The following MAX variants were observed in gnomAD, a reference collection of about 807,000 sequenced individuals.
The protein encoded by MAX is MYC associated transcriptional regulator X.
A neutral mutation model predicts 22.3 loss-of-function variants in MAX; 3 were observed. The ratio of observed to expected loss-of-function variants is 0.13; its 90% CI spans 0.06 to 0.35. MAX has a LOEUF of 0.35. MAX is among the 10% of genes least tolerant of loss of function. MAX has a pLI of 1.00. For synonymous variants in MAX, 72 were observed against 77.7 expected, an observed-to-expected ratio of 0.93 and a Z score of 0.39; for missense variants, 119 against 209.4, an observed-to-expected ratio of 0.57 and a Z score of 2.66.
In MAX at chr14:65,012,078, T is replaced by G. The variant is rs962506778; in HGVS notation, c.172-5794A>C. 2.1e-6 allele frequency: 1 copy of G among 471,302 alleles called. No homozygotes were observed. The highest frequency in any genetic ancestry group is 2.0e-5 in the African/African-American group (1 of 50,762). 29.2% of individuals were successfully genotyped at this position (471,302 alleles called of 1,614,324 possible). On this transcript the variant is annotated intron_variant, in intron 3 of 3. Coordinates refer to the MAX transcript ENST00000341653. The surrounding 1 kb of genome is among the most constrained non-coding windows in gnomAD (Gnocchi z 5.0). ...CAAAGTCACTGCCTTTAGGAGACAA[T>G]CGCACTCTAAATGTCAGCTGGCATG... is the stretch of plus-strand genomic sequence containing the variant.
At chr14:65,008,808 C>T (rs939430499) in intron 3 of MAX, among the ~76,000 whole-genome samples, 2 of 152,156 alleles carry the variant, frequency 1.3e-5, no homozygotes, top group African/African-American at 2.4e-5. Flanking sequence ...TGGGCTCACC[C>T]CTCATAAGAA....
chr14:65,077,504 T>A lies in MAX; in HGVS notation c.295+409A>T. On this transcript the variant is annotated intron_variant, in intron 4 of 4. Coordinates refer to ENST00000358664, the MANE Select transcript of MAX (RefSeq NM_002382.5). This position sits in a 1 kb window ranked among gnomAD's most constrained non-coding sequence, Gnocchi z 6.3. ...AGCCCATAGGCTGCCCTGATTGGAC[T>A]ACCATTGACAATGGGGAGGGCTCAC... The A allele has an allele frequency of 1.9e-6, 2 of 1,046,730 alleles. No homozygotes were observed. The highest frequency in any genetic ancestry group is 2.5e-5 in the South Asian group (2 of 79,802). The allele number at this position is 1,046,730 out of a possible 1,614,324, so 64.8% of individuals were successfully genotyped here.
intron 3 of MAX, among the ~76,000 whole-genome samples, chr14:65,034,818 C>T (rs967110531): frequency 2.6e-5 from 4 of 152,188 alleles, no homozygotes; most frequent in African/African-American, 9.7e-5. Flanking sequence ...CTCCATGAGT[C>T]TTCCTGTGCT....
intron 2 of MAX, among the ~76,000 whole-genome samples, chr14:65,097,370 G>T (rs1364646920): frequency 6.6e-6 from 1 of 152,196 alleles, no homozygotes; most frequent in Admixed American, 6.5e-5. Context: ...CTTTGTTCAA[G>T]GCATCACATC....
chr14:65,094,750 C>A (rs1364992441), intron 2 of MAX, among the ~76,000 whole-genome samples: 1 of 152,244 alleles, frequency 6.6e-6, no homozygotes, highest in African/African-American at 2.4e-5. Context: ...ATGATAAGAG[C>A]ACTTCAGCAG....
rs566360589 is a variant in MAX, at chr14:65,083,365, G to A, written c.172-5329C>T. ...AGTTGTTAGCACTGATGCTTCAGAC[G>A]AAGTCCAAGGTTATTAAATCTCATT... On this transcript the variant is annotated intron_variant, in intron 3 of 4. Transcript: ENST00000358664. 1.8e-4 allele frequency among the ~76,000 whole-genome samples: 28 copies of A among 152,314 alleles called. 1 individual carries two copies. In the East Asian group the frequency reaches 4.2e-3, roughly 23 times the overall value.
chr14:65,091,222 C>T (rs774048703), intron 3 of MAX, among the ~76,000 whole-genome samples: 4 of 152,080 alleles, frequency 2.6e-5, no homozygotes, highest in Non-Finnish European at 5.9e-5. Flanking sequence ...CTTAAAAAAA[C>T]GCCAGGTTTA....
intron 3 of MAX, among the ~76,000 whole-genome samples, chr14:65,016,943 GAC>G (rs1231046683): frequency 6.5e-5 from 6 of 92,326 alleles, no homozygotes; most frequent in Non-Finnish European, 1.3e-4. Flanking sequence ...TTTTTTTTGA[GAC>G]AGAGTTTCAC....
chr14:65,074,581 C>T (rs569558762), downstream of MAX, among the ~76,000 whole-genome samples: 2 of 152,360 alleles, frequency 1.3e-5, no homozygotes, highest in African/African-American at 4.8e-5. Context: ...CACTGAGCTG[C>T]GTTCTGGCCA....
chr14:65,033,442 T>C (rs2062124719), intron 3 of MAX, among the ~76,000 whole-genome samples: 1 of 152,246 alleles, frequency 6.6e-6, no homozygotes, highest in Non-Finnish European at 1.5e-5. Flanking sequence ...ACTTCAGCTG[T>C]AATAGTTAAC....
rs978677915 is a variant in MAX at position 65,011,226 on chromosome 14, AAG to A, written c.172-4944_172-4943del. On this transcript the variant is annotated intron_variant, in intron 3 of 3. Transcript: ENST00000341653. This position sits in a 1 kb window ranked among gnomAD's most constrained non-coding sequence, Gnocchi z 4.0. ...GGGGATTACCTGAGGTCAGGAGTTC[AAG>A]ACCAGCCTGGGCAACATGGTGAAAC... 6.6e-6 allele frequency among the ~76,000 whole-genome samples: 1 copy of A among 152,108 alleles called. No homozygotes were observed. Among genetic ancestry groups the A allele is most frequent in the African/African-American group, 2.4e-5 (1 of 41,426 alleles).
rs1260260389 is a variant in MAX at position 65,047,245 on chromosome 14, G to C, written c.172-40961C>G. Among the ~76,000 whole-genome samples the C allele has an allele frequency of 6.6e-6, 1 of 152,172 alleles. No individual in the cohort carries two copies. Among genetic ancestry groups the C allele is most frequent in the Non-Finnish European group, 1.5e-5 (1 of 68,042 alleles). On this transcript the variant is annotated intron_variant, in intron 3 of 3. Transcript: ENST00000341653. This position sits in a 1 kb window ranked among gnomAD's most constrained non-coding sequence, Gnocchi z 5.2. The stretch of plus-strand genomic sequence containing the variant: ...CATTTAATTCTCAAAACAACCCTAT[G>C]AAATAGGTACCATTGTTTACAGATG...
In MAX at chr14:65,044,205, C is replaced by G. The variant is rs1222234381; in HGVS notation, c.172-37921G>C. 6.3e-7 allele frequency: 1 copy of G among 1,577,214 alleles called. No homozygotes were observed. The highest frequency in any genetic ancestry group is 8.6e-7 in the Non-Finnish European group (1 of 1,162,036). ...CCAAAACTAGAGTGCCAAGAAGCCA[C>G]AAGATGGGAAACCCTCCATCCCACA... On this transcript the variant is annotated intron_variant, in intron 3 of 3. Coordinates refer to the MAX transcript ENST00000341653. The surrounding 1 kb of genome is among the most constrained non-coding windows in gnomAD (Gnocchi z 5.5).
In MAX at chr14:65,043,964, T is replaced by G. The variant is rs534138687; in HGVS notation, c.172-37680A>C. ...GTAGTCTTGCCTTCAATTTCCAACT[T>G]AAGCCATGTTTATTAAGAGACTTTG... On this transcript the variant is annotated intron_variant, in intron 3 of 3. Transcript: ENST00000341653. Among the ~76,000 whole-genome samples the G allele has an allele frequency of 3.3e-5, 5 of 152,034 alleles. No individual in the cohort carries two copies. In the East Asian group the frequency reaches 9.7e-4, roughly 29 times the overall value.
At position 65,047,384 on chromosome 14, in the gene MAX, T is replaced by C. The variant is rs1232308077; in HGVS notation, c.172-41100A>G. Among the ~76,000 whole-genome samples, 1 of 152,256 alleles carries C rather than the reference T, an allele frequency of 6.6e-6. No homozygotes were observed. The highest frequency in any genetic ancestry group is 2.4e-5 in the African/African-American group (1 of 41,476). ...ACTAGCTGGCATCTGAACCCTGCCC[T>C]GCTCATAACCACAGTAGGTGGCCAT... is the stretch of plus-strand genomic sequence containing the variant. On this transcript the variant is annotated intron_variant, in intron 3 of 3. Coordinates refer to the MAX transcript ENST00000341653. The surrounding 1 kb of genome is among the most constrained non-coding windows in gnomAD (Gnocchi z 5.2).
rs1371889047 is a variant in MAX at position 65,007,481 on chromosome 14, A to G, written c.172-1197T>C. ...ATGATGCTGAAGTAGGCATTTGCCT[A>G]TTCAGTGTTCCAGGGCCAAAGCTGA... On this transcript the variant is annotated intron_variant, in intron 3 of 3. Coordinates refer to the MAX transcript ENST00000341653. This position sits in a 1 kb window ranked among gnomAD's most constrained non-coding sequence, Gnocchi z 4.9. 6.6e-6 allele frequency among the ~76,000 whole-genome samples: 1 copy of G among 152,222 alleles called. No individual in the cohort carries two copies. Among genetic ancestry groups the G allele is most frequent in the Admixed American group, 6.5e-5 (1 of 15,282 alleles).
intron 3 of MAX, among the ~76,000 whole-genome samples, chr14:65,026,568 T>G (rs575095639): frequency 6.6e-6 from 1 of 152,290 alleles, no homozygotes; most frequent in East Asian, 1.9e-4. Context: ...CCATTAAAAA[T>G]GTGTTTTTCA....
intron 3 of MAX, among the ~76,000 whole-genome samples, chr14:65,006,991 T>C (rs1454467835): frequency 6.6e-6 from 1 of 152,178 alleles, no homozygotes. Context: ...GGAAATAGAA[T>C]ATATCAGGGC....
chr14:65,075,596 C>T lies in MAX; in HGVS notation c.*880G>A. The T allele has an allele frequency of 1.9e-6, 2 of 1,066,290 alleles. No individual in the cohort carries two copies. Among genetic ancestry groups the T allele is most frequent in the Non-Finnish European group, 2.3e-6 (2 of 879,670 alleles). The allele number at this position is 1,066,290 out of a possible 1,614,324, so 66.1% of individuals were successfully genotyped here. A position where few individuals can be genotyped will look rare whatever the true frequency, so the allele number is the denominator to read the frequency against. On this transcript the variant is annotated 3_prime_UTR_variant, in exon 5 of 5. Transcript: ENST00000358664. The surrounding 1 kb of genome is among the most constrained non-coding windows in gnomAD (Gnocchi z 4.1). ...TGTCGCTTTGCAAGACCGACATCAT[C>T]AGAAATAGGTACAATTCACTCAGAT...
Sources: allele counts gnomAD v4.1 joint callset (sites outside exome capture counted in the v4.1 genomes callset), GRCh38; gene constraint gnomAD v4.1.1; non-coding constraint Gnocchi (gnomAD v3.1); transcripts MANE v1.5; gene names NCBI Gene and HGNC (gene_info 2026-07-23, HGNC 2026-07-21).